SHISA9: variants seen among roughly 807,000 people sequenced by gnomAD.
SHISA9 encodes the protein protein shisa-9.
In SHISA9, 13 loss-of-function variants were observed where a neutral mutation model predicts 38.0. The observed-to-expected ratio is 0.34, with a 90% CI of 0.22 to 0.54. The LOEUF is 0.54. Among genes scored for constraint, SHISA9 ranks in the 20% least tolerant of loss-of-function variants. SHISA9 has a pLI of 0.91. For synonymous variants in SHISA9, 275 were observed against 242.0 expected, an observed-to-expected ratio of 1.14 and a Z score of -1.27; for missense variants, 538 against 575.8, an observed-to-expected ratio of 0.93 and a Z score of 0.67.
downstream of SHISA9, among the ~76,000 whole-genome samples, chr16:13,242,971 T>C (rs184313125): frequency 6.6e-6 from 1 of 152,278 alleles, no homozygotes; most frequent in African/African-American, 2.4e-5. Context: ...CCAGGCACGG[T>C]GGCTCATGCC....
At chr16:13,258,273 T>C in the SHISA9 span, 1 of 152,214 alleles carries the variant, frequency 6.6e-6, no homozygotes, top group East Asian at 1.9e-4. Flanking sequence ...TAGACAGATC[T>C]ATGTTTGGGT....
At chr16:13,077,692 C>T (rs768921777) in intron 2 of SHISA9, among the ~76,000 whole-genome samples, 58 of 152,122 alleles carry the variant, frequency 3.8e-4, no homozygotes, top group Non-Finnish European at 6.6e-4. Context: ...TGGCATGTGA[C>T]TCTCAGGTGG....
the SHISA9 span, chr16:13,458,397 T>C: frequency 2.7e-6 from 1 of 374,488 alleles, no homozygotes; most frequent in South Asian, 2.2e-5. Context: ...TTTATGATGC[T>C]GTAACGATGG....
intron 2 of SHISA9, among the ~76,000 whole-genome samples, chr16:13,034,574 C>T (rs372175758): frequency 6.6e-6 from 1 of 152,098 alleles, no homozygotes; most frequent in African/African-American, 2.4e-5. Flanking sequence ...AATGATAGAC[C>T]CAATTCTTCA....
chr16:13,529,839 G>C, the SHISA9 span, among the ~76,000 whole-genome samples: 150 of 152,324 alleles, frequency 9.8e-4, no homozygotes, highest in African/African-American at 3.4e-3. Context: ...ATGCTTGTGA[G>C]AGGCCAATCC....
chr16:13,489,748 C>T, the SHISA9 span, among the ~76,000 whole-genome samples: 8 of 152,260 alleles, frequency 5.3e-5, no homozygotes, highest in Non-Finnish European at 1.0e-4. Flanking sequence ...TTACTAGCAC[C>T]GTGAGAGCAA....
At chr16:13,417,502 T>A in the SHISA9 span, among the ~76,000 whole-genome samples, 1 of 152,234 alleles carries the variant, frequency 6.6e-6, no homozygotes. Context: ...TCAGTTTATT[T>A]GCTTCCTCTC....
intron 2 of SHISA9, among the ~76,000 whole-genome samples, chr16:12,964,002 G>A (rs906739917): frequency 3.9e-5 from 6 of 152,200 alleles, no homozygotes; most frequent in Non-Finnish European, 8.8e-5. Flanking sequence ...AAACCTTCCT[G>A]TGAACAAGGA....
At chr16:12,903,123 G>A (rs1179008270) in intron 1 of SHISA9, 1 of 155,430 alleles carries the variant, frequency 6.4e-6, no homozygotes, top group African/African-American at 2.4e-5. Flanking sequence ...CAACTCGTAC[G>A]ACTCGCGAAA....
chr16:13,127,374 A>AAGAGAGGGAG (rs1410482418), intron 2 of SHISA9, among the ~76,000 whole-genome samples: 2 of 114,006 alleles, frequency 1.8e-5, no homozygotes, highest in Non-Finnish European at 3.6e-5. Context: ...GGAGAGAGAA[A>AAGAGAGGGAG]AGAGAGGGAG....
chr16:12,996,209 A>T (rs886674745), intron 2 of SHISA9, among the ~76,000 whole-genome samples: 1 of 152,128 alleles, frequency 6.6e-6, no homozygotes, highest in Non-Finnish European at 1.5e-5. Context: ...TGAGCTACAC[A>T]ATGTGTTTTT....
chr16:12,956,072 C>A (rs2071829592), intron 2 of SHISA9, among the ~76,000 whole-genome samples: 1 of 152,128 alleles, frequency 6.6e-6, no homozygotes, highest in Non-Finnish European at 1.5e-5. Flanking sequence ...AAACAAACAA[C>A]CCCGTTAAAA....
chr16:13,181,265 TTTTATATATATATATATATATATATATA>T (rs1172783913), intron 2 of SHISA9, among the ~76,000 whole-genome samples: 14 of 91,634 alleles, frequency 1.5e-4, no homozygotes, highest in African/African-American at 5.9e-4. Flanking sequence ...TAAAATAAAA[TTTTATATATATATATATATATATATATA>T]TATATATATA....
At chr16:13,005,836 G>C (rs2072591155) in intron 2 of SHISA9, among the ~76,000 whole-genome samples, 1 of 152,192 alleles carries the variant, frequency 6.6e-6, no homozygotes, top group Admixed American at 6.5e-5. Context: ...TTGCTCCTTG[G>C]ACATTGACAT....
At chr16:13,510,919 C>T in the SHISA9 span, among the ~76,000 whole-genome samples, 3 of 152,142 alleles carry the variant, frequency 2.0e-5, no homozygotes, top group African/African-American at 7.2e-5. Flanking sequence ...TGTATTAGAA[C>T]TGTGCCTGCA....
Position 13,069,091 on chromosome 16 carries a change from T to C in SHISA9, c.692-134303T>C, listed in dbSNP as rs562198326. Among the ~76,000 whole-genome samples, 5 of 152,200 alleles carry C rather than the reference T, an allele frequency of 3.3e-5. No homozygotes were observed. In the East Asian group the frequency reaches 7.7e-4, roughly 24 times the overall value. On this transcript the variant is annotated intron_variant, in intron 2 of 4. Coordinates refer to ENST00000558583, the MANE Select transcript of SHISA9 (RefSeq NM_001145204.3). ...TGTGTACATGTGTACATGCAATGTG[T>C]ATGTGTGTGTATACATGTGTACATG...
At chr16:12,952,767 C>A (rs1567350815) in intron 2 of SHISA9, among the ~76,000 whole-genome samples, 2 of 152,152 alleles carry the variant, frequency 1.3e-5, no homozygotes, top group South Asian at 4.1e-4. Context: ...AAGTTTCCTG[C>A]AGCTTCCCCA....
the SHISA9 span, among the ~76,000 whole-genome samples, chr16:13,328,816 T>G: frequency 2.0e-3 from 298 of 152,242 alleles, no homozygotes; most frequent in Non-Finnish European, 2.9e-3. Context: ...ACTGGTGATA[T>G]AGGAGTTAAG....
chr16:12,967,323 A>G (rs1210683064), intron 2 of SHISA9, among the ~76,000 whole-genome samples: 4 of 152,068 alleles, frequency 2.6e-5, no homozygotes, highest in Non-Finnish European at 5.9e-5. Context: ...AAAACCAAAC[A>G]CCGCATGTTC....
Sources: allele counts gnomAD v4.1 joint callset (sites outside exome capture counted in the v4.1 genomes callset), GRCh38; gene constraint gnomAD v4.1.1; transcripts MANE v1.5; gene names NCBI Gene and HGNC (gene_info 2026-07-23, HGNC 2026-07-21).